Variants in CWF19L2 observed in about 807,000 individuals in gnomAD.
CWF19L2 encodes the protein CWF19-like protein 2.
Under a neutral mutation model 111.7 loss-of-function variants are expected in CWF19L2, and 98 were observed. The ratio of observed to expected loss-of-function variants is 0.88; its 90% CI spans 0.75 to 1.04. The LOEUF (loss-of-function observed/expected upper bound fraction) is 1.04. Among genes scored for constraint, CWF19L2 ranks in the 50% least tolerant of loss-of-function variants. CWF19L2 has a pLI of 0.00. For synonymous variants in CWF19L2, 351 were observed against 342.9 expected (o/e 1.02, Z -0.26); for missense variants, 1,101 against 1,051.4 (o/e 1.05, Z -0.65).
At chr11:107,455,900 C>T (rs1861847685) in intron 1 of CWF19L2, 124 bp from the exon 2 acceptor site, 2 of 575,568 alleles carry the variant, frequency 3.5e-6, no homozygotes, top group South Asian at 4.6e-5. Context: ...AATGTCTATT[C>T]CTTGCCAGGG....
In CWF19L2 at chr11:107,368,031, T is replaced by C. The variant is rs1860457042; in HGVS notation, c.1873-14295A>G. On this transcript the variant is annotated intron_variant, in intron 12 of 17. Transcript: ENST00000282251. ...ATAACAAATGAAAAATAATCTAATGTGACACCTCAAGAAACTAGAGAAGCA... is the reference window on the plus strand; with the variant it reads ...ATAACAAATGAAAAATAATCTAATGCGACACCTCAAGAAACTAGAGAAGCA... 1.5e-5 allele frequency among the ~76,000 whole-genome samples: 2 copies of C among 135,794 alleles called. 1 individual carries two copies. The highest frequency in any genetic ancestry group is 5.9e-5 in the African/African-American group (2 of 33,788). 89.1% of individuals were successfully genotyped at this position (135,794 alleles called of 152,430 possible).
intron 10 of CWF19L2, among the ~76,000 whole-genome samples, chr11:107,404,933 T>C (rs1014447470): frequency 5.3e-5 from 8 of 152,194 alleles, no homozygotes; most frequent in East Asian, 3.9e-4. Flanking sequence ...GACAGAAATA[T>C]TGAGGAGCTC....
intron 12 of CWF19L2, among the ~76,000 whole-genome samples, chr11:107,371,012 CT>C (rs577136063): frequency 0.12 from 11,558 of 99,844 alleles, 985 homozygotes; most frequent in East Asian, 0.3. Flanking sequence ...TCTAGTTTCT[CT>C]TTTTTTTTTT....
chr11:107,442,770 GGAAGGAAGGAAGGAAGGAAGGA>G (rs1861639992), intron 4 of CWF19L2, among the ~76,000 whole-genome samples, 147 bp downstream of exon 4: 1 of 46,836 alleles, frequency 2.1e-5, no homozygotes, highest in Non-Finnish European at 4.2e-5. Flanking sequence ...AAGGAAGGAA[GGAAGGAAGGAAGGAAGGAAGGA>G]AGGGAGGGAG....
At chr11:107,388,055 A>G (rs982547593) in intron 12 of CWF19L2, among the ~76,000 whole-genome samples, 2 of 151,990 alleles carry the variant, frequency 1.3e-5, no homozygotes, top group Admixed American at 6.6e-5. Context: ...ACTTGAAATA[A>G]TCTTCCCTCA....
chr11:107,421,700 C>T (rs1861304795), intron 8 of CWF19L2, among the ~76,000 whole-genome samples: 1 of 152,052 alleles, frequency 6.6e-6, no homozygotes, highest in South Asian at 2.1e-4. Flanking sequence ...ACAAGACTGA[C>T]CATTCCAAGT....
At chr11:107,327,135 T>A in intron 17 of CWF19L2, 82 bp from the exon 18 acceptor site, 1 of 1,291,766 alleles carries the variant, frequency 7.7e-7, no homozygotes. Flanking sequence ...TTTATTCTGC[T>A]ATAAAATATA....
At chr11:107,352,335 C>A (rs781154635) in intron 13 of CWF19L2, among the ~76,000 whole-genome samples, 1 of 151,948 alleles carries the variant, frequency 6.6e-6, no homozygotes, top group African/African-American at 2.4e-5. Context: ...GTTATGTTTG[C>A]CTGCTCCCCA....
chr11:107,338,579 C>T (rs905039519), intron 14 of CWF19L2, among the ~76,000 whole-genome samples: 17 of 152,118 alleles, frequency 1.1e-4, no homozygotes, highest in African/African-American at 4.1e-4. Flanking sequence ...CTCCCACCCA[C>T]CGACAGGCTC....
intron 3 of CWF19L2, 29 bp downstream of exon 3, chr11:107,454,421 T>A (rs1010834548): frequency 8.2e-5 from 107 of 1,305,960 alleles, no homozygotes; most frequent in Admixed American, 1.1e-4. Context: ...CTCAAATAGC[T>A]GCTTTGATTA....
At chr11:107,359,524 G>C (rs1328748291) in intron 12 of CWF19L2, among the ~76,000 whole-genome samples, 1 of 152,106 alleles carries the variant, frequency 6.6e-6, no homozygotes. Context: ...GAAAAAACAG[G>C]AGTGACTATT....
At chr11:107,455,976 CCTT>C (rs1352209654) in intron 1 of CWF19L2, among the ~76,000 whole-genome samples, 200 bp from the exon 2 acceptor site, 2 of 152,186 alleles carry the variant, frequency 1.3e-5, no homozygotes, top group South Asian at 2.1e-4. Context: ...AAAAATCTCT[CCTT>C]CTGCATTTCC....
intron 14 of CWF19L2, chr11:107,345,559 A>C (rs769907202): frequency 2.3e-6 from 1 of 442,810 alleles, no homozygotes; most frequent in Non-Finnish European, 4.6e-6. Context: ...AAAATACTAA[A>C]ATAGTGTTGC....
chr11:107,417,454 G>C (rs924048833), intron 9 of CWF19L2, among the ~76,000 whole-genome samples: 3 of 152,100 alleles, frequency 2.0e-5, no homozygotes, highest in Admixed American at 1.3e-4. Flanking sequence ...CACAGTATCA[G>C]GCACAGCACA....
chr11:107,357,299 C>G (rs1174176896), intron 12 of CWF19L2, among the ~76,000 whole-genome samples: 2 of 152,132 alleles, frequency 1.3e-5, no homozygotes, highest in Non-Finnish European at 1.5e-5. Context: ...CTTATTTCAT[C>G]TAGAATAAAC....
chr11:107,335,032 T>A, intron 15 of CWF19L2, 71 bp from the exon 16 acceptor site: 1 of 911,962 alleles, frequency 1.1e-6, no homozygotes, highest in Non-Finnish European at 1.8e-6. Context: ...TTATAACAAG[T>A]AATATAGCAA....
At chr11:107,386,689 T>C (rs1311698060) in intron 12 of CWF19L2, among the ~76,000 whole-genome samples, 1 of 152,146 alleles carries the variant, frequency 6.6e-6, no homozygotes, top group Admixed American at 6.5e-5. Flanking sequence ...ATCCTTTCTG[T>C]CCTCTCCAGG....
At chr11:107,364,312 C>G (rs11493850) in intron 12 of CWF19L2, among the ~76,000 whole-genome samples, 1 of 142,766 alleles carries the variant, frequency 7.0e-6, no homozygotes, top group Admixed American at 6.8e-5. Context: ...TCAGCTCTGC[C>G]TCAAGCGGAC....
At chr11:107,405,021 C>T (rs1425386775) in intron 10 of CWF19L2, among the ~76,000 whole-genome samples, 1 of 152,212 alleles carries the variant, frequency 6.6e-6, no homozygotes, top group African/African-American at 2.4e-5. Context: ...TCAGTGTCAA[C>T]AACCTATGGG....
Sources: gnomAD v4.1 joint callset for allele counts (sites outside exome capture counted in the v4.1 genomes callset) on GRCh38, gnomAD v4.1.1 for gene constraint, MANE v1.5 for transcripts, NCBI Gene and HGNC (gene_info 2026-07-23, HGNC 2026-07-21) for gene names.